Variants in SLC4A8 observed in about 807,000 individuals in gnomAD.
SLC4A8 encodes the protein solute carrier family 4 member 8.
SLC4A8 carries 40 observed loss-of-function variants against 125.0 expected under a neutral mutation model. That is an observed-to-expected ratio of 0.32 (90% CI 0.25 to 0.42). The LOEUF is 0.42. Among genes scored for constraint, SLC4A8 ranks in the 10% least tolerant of loss-of-function variants. The pLI is 1.00. For synonymous variants in SLC4A8, 456 were observed against 476.0 expected (o/e 0.96, Z 0.55); for missense variants, 863 against 1,355.1 (o/e 0.64, Z 5.70).
At chr12:51,458,693 C>A in intron 7 of SLC4A8, 43 bp downstream of exon 7, 1 of 1,325,368 alleles carries the variant, frequency 7.5e-7, no homozygotes, top group South Asian at 1.2e-5. Flanking sequence ...CCTAAGGTTC[C>A]TTTTAGTGGA....
At position 51,508,542 on chromosome 12, in the gene SLC4A8, C is replaced by T. The variant is rs1454373971; in HGVS notation, c.*1104C>T. The T allele has an allele frequency of 6.6e-6, 1 of 152,614 alleles. No homozygotes were observed. The allele number at this position is 152,614 out of a possible 1,614,324, so 9.5% of individuals were successfully genotyped here. A position where few individuals can be genotyped will look rare whatever the true frequency, so the allele number is the denominator to read the frequency against. On this transcript the variant is annotated 3_prime_UTR_variant, in exon 25 of 25. Coordinates refer to ENST00000453097, the MANE Select transcript of SLC4A8 (RefSeq NM_001039960.3). ...CATCAGTTCAATGGACCAAAATCACCTTCAGCCATGTGGTTTCTTCATCAT... is the reference window on the plus strand; with the variant it reads ...CATCAGTTCAATGGACCAAAATCACTTTCAGCCATGTGGTTTCTTCATCAT...
At position 51,509,129 on chromosome 12, in the gene SLC4A8, G is replaced by A. The variant is rs547051972; in HGVS notation, c.*1691G>A. 2 of 152,762 alleles carry A rather than the reference G, an allele frequency of 1.3e-5. No individual in the cohort carries two copies. The highest frequency in any genetic ancestry group is 4.8e-5 in the African/African-American group (2 of 41,560). 9.5% of individuals were successfully genotyped at this position (152,762 alleles called of 1,614,324 possible). On this transcript the variant is annotated 3_prime_UTR_variant, in exon 25 of 25. Transcript: ENST00000453097. Reference sequence around the variant, plus strand: ...CTGTAAACAAGCAGTATGTATGGTTGTACCAATGCCTATTGGCTGAACATT... The same window carrying A: ...CTGTAAACAAGCAGTATGTATGGTTATACCAATGCCTATTGGCTGAACATT...
chr12:51,416,293 C>T (rs889209337), intron 1 of SLC4A8, among the ~76,000 whole-genome samples: 3 of 140,520 alleles, frequency 2.1e-5, no homozygotes, highest in Non-Finnish European at 4.6e-5. Flanking sequence ...CCTTTTCTGG[C>T]CCTTTATTTC....
At position 51,452,300 on chromosome 12, in the gene SLC4A8, A is replaced by G. The variant is rs1345520941; in HGVS notation, c.413+41A>G. 1.9e-6 allele frequency: 3 copies of G among 1,612,270 alleles called. No individual in the cohort carries two copies. The African/African-American group carries it at 4.0e-5, about 21-fold the overall frequency. ...GGCCTGCATCAAGATCTGCTTGGGT[A>G]GGCAAGTGTGTACCCTTCAGCAAGT... On this transcript the variant is annotated intron_variant, in intron 4 of 24. Coordinates refer to ENST00000453097, the MANE Select transcript of SLC4A8 (RefSeq NM_001039960.3).
intron 16 of SLC4A8, among the ~76,000 whole-genome samples, chr12:51,483,307 A>G (rs1459963640): frequency 2.6e-5 from 4 of 151,576 alleles, no homozygotes; most frequent in South Asian, 4.2e-4. Context: ...AGAGAGATAG[A>G]TGAGTTATTG....
At chr12:51,401,912 G>A (rs1477458655) in intron 1 of SLC4A8, among the ~76,000 whole-genome samples, 2 of 151,848 alleles carry the variant, frequency 1.3e-5, no homozygotes, top group Non-Finnish European at 2.9e-5. Flanking sequence ...GTACAGACAT[G>A]TGCAACCACA....
At chr12:51,391,468 C>G (rs1235194339) in exon 1 of SLC4A8, 3 of 156,390 alleles carry the variant, frequency 1.9e-5, no homozygotes, top group African/African-American at 7.2e-5. Context: ...GAGGAAGAGG[C>G]GAAGGCTGGC....
intron 1 of SLC4A8, among the ~76,000 whole-genome samples, chr12:51,407,125 G>T (rs974435681): frequency 5.3e-5 from 8 of 152,304 alleles, no homozygotes; most frequent in African/African-American, 1.9e-4. Context: ...GTGCCTTGTT[G>T]CTGTGTCCCG....
In SLC4A8 at chr12:51,507,552, T is replaced by G. The variant is rs537069164; in HGVS notation, c.*114T>G. ...AGCAAGACCAAGTCTGGCCCTGTCC[T>G]TGGTCATCTCAAAGCCATGCCGAAG... On this transcript the variant is annotated 3_prime_UTR_variant, in exon 25 of 25. Transcript: ENST00000453097. The G allele has an allele frequency of 8.6e-6, 6 of 701,336 alleles. No homozygotes were observed. Among genetic ancestry groups the G allele is most frequent in the Admixed American group, 3.1e-5 (1 of 32,368 alleles). The allele number at this position is 701,336 out of a possible 1,614,324, so 43.4% of individuals were successfully genotyped here. A position where few individuals can be genotyped will look rare whatever the true frequency, so the allele number is the denominator to read the frequency against.
At chr12:51,495,228 A>T (rs930004354) in intron 21 of SLC4A8, 110 bp downstream of exon 21, 14 of 893,808 alleles carry the variant, frequency 1.6e-5, no homozygotes, top group Non-Finnish European at 2.3e-5. Flanking sequence ...AGTGGCATTA[A>T]GTACATTCAC....
At chr12:51,463,800 C>A in intron 11 of SLC4A8, 86 bp downstream of exon 11, 1 of 903,962 alleles carries the variant, frequency 1.1e-6, no homozygotes, top group South Asian at 1.6e-5. Flanking sequence ...TTTCAGCCTA[C>A]TTCTCTGTGG....
intron 1 of SLC4A8, among the ~76,000 whole-genome samples, chr12:51,395,770 CG>C (rs527746442): frequency 1.2e-3 from 186 of 152,320 alleles, no homozygotes; most frequent in African/African-American, 4.1e-3. Context: ...AGGGAAACAA[CG>C]GAGTCTCCCA....
At chr12:51,453,122 T>C (rs1447221154) in intron 4 of SLC4A8, among the ~76,000 whole-genome samples, 1 of 152,206 alleles carries the variant, frequency 6.6e-6, no homozygotes, top group Non-Finnish European at 1.5e-5. Flanking sequence ...ATTTTATTAA[T>C]GTGGTTTGTC....
At position 51,449,299 on chromosome 12, in the gene SLC4A8, G is replaced by A. The variant is rs576140304; in HGVS notation, c.131-1577G>A. Among the ~76,000 whole-genome samples, 41 of 152,192 alleles carry A rather than the reference G, an allele frequency of 2.7e-4. No individual in the cohort carries two copies. In the South Asian group the frequency reaches 5.4e-3, roughly 20 times the overall value. ...TAAAAATCAAAAAAATTAGCTGGGC[G>A]TGGTGGTACACGCCTGTGGTCCCAG... On this transcript the variant is annotated intron_variant, in intron 2 of 24. Coordinates refer to ENST00000453097, the MANE Select transcript of SLC4A8 (RefSeq NM_001039960.3).
At position 51,450,929 on chromosome 12, in the gene SLC4A8, C is replaced by T. The variant is rs746633444; in HGVS notation, c.184C>T (p.Arg62Trp). Reference protein sequence around the residue: ...VRMPLGRQSHRHHRTHGQKHR... With the variant: ...VRMPLGRQSHWHHRTHGQKHR... Reference sequence around the variant, plus strand: ...GATGCCGCTTGGCCGGCAGAGCCATCGGCATCACCGCACTCATGGCCAGAA... The same window carrying T: ...GATGCCGCTTGGCCGGCAGAGCCATTGGCATCACCGCACTCATGGCCAGAA... The change falls in exon 3 of 25, where the codon CGG (arginine) becomes TGG (tryptophan). Residue 62 changes from arginine to tryptophan, a missense_variant. Physicochemically the swap from Arg to Trp is moderately radical, Grantham distance 101. Transcript: ENST00000453097. The T allele has an allele frequency of 5.0e-6, 8 of 1,610,464 alleles. No homozygotes were observed. Among genetic ancestry groups the T allele is most frequent in the Admixed American group, 3.3e-5 (2 of 59,742 alleles).
intron 1 of SLC4A8, among the ~76,000 whole-genome samples, chr12:51,417,853 C>T (rs549892216): frequency 2.2e-4 from 33 of 152,188 alleles, no homozygotes; most frequent in Middle Eastern, 3.4e-3. Flanking sequence ...GGTTTTGCCA[C>T]GTTGGCCAAG....
At chr12:51,472,567 A>G (rs1950731985) in intron 14 of SLC4A8, among the ~76,000 whole-genome samples, 1 of 152,074 alleles carries the variant, frequency 6.6e-6, no homozygotes, top group Admixed American at 6.5e-5. Flanking sequence ...TCTTTTTATC[A>G]TTATTTTCTT....
chr12:51,402,961 C>T (rs1221423015), intron 1 of SLC4A8: 8 of 305,486 alleles, frequency 2.6e-5, no homozygotes, highest in Non-Finnish European at 5.2e-5. Flanking sequence ...CTGATAGAAT[C>T]CCCCCCAGTG....
chr12:51,475,989 G>A (rs1214888600), intron 16 of SLC4A8, among the ~76,000 whole-genome samples: 1 of 152,200 alleles, frequency 6.6e-6, no homozygotes, highest in Non-Finnish European at 1.5e-5. Flanking sequence ...AGGAAGGTGG[G>A]TGATCTACAG....
Sources: gnomAD v4.1 joint callset for allele counts (sites outside exome capture counted in the v4.1 genomes callset) on GRCh38, gnomAD v4.1.1 for gene constraint, MANE v1.5 for transcripts, NCBI Gene and HGNC (gene_info 2026-07-23, HGNC 2026-07-21) for gene names.